The following TRPC5OS variants were observed in gnomAD, a reference collection of about 807,000 sequenced individuals.
TRPC5OS encodes the protein putative uncharacterized protein TRPC5OS.
For missense variants in TRPC5OS, 64 were observed against 79.3 expected, an observed-to-expected ratio of 0.81 and a Z score of 0.73; for synonymous variants, 30 against 29.3, an observed-to-expected ratio of 1.02 and a Z score of -0.08.
At chrX:111,891,049 T>C (rs1486747723) in intron 1 of TRPC5OS, among the ~76,000 whole-genome samples, 3 of 112,268 alleles carry the variant, frequency 2.7e-5, no homozygotes, top group East Asian at 5.6e-4. Flanking sequence ...GATATGATCT[T>C]GTTTTTTATG....
chrX:111,894,121 A>G (rs1924948129), intron 1 of TRPC5OS, among the ~76,000 whole-genome samples: 1 of 111,398 alleles, frequency 9.0e-6, no homozygotes, highest in Admixed American at 9.6e-5. Flanking sequence ...TCTGGCACCC[A>G]CCCTCACCAA....
intron 1 of TRPC5OS, among the ~76,000 whole-genome samples, chrX:111,890,467 G>A (rs1924748256): frequency 2.7e-5 from 3 of 111,787 alleles, no homozygotes; most frequent in Admixed American, 1.9e-4. Flanking sequence ...GATGTGCATA[G>A]GTTATATGCA....
chrX:111,879,900 C>T (rs1306909132), intron 1 of TRPC5OS, among the ~76,000 whole-genome samples: 2 of 107,607 alleles, frequency 1.9e-5, no homozygotes, highest in Admixed American at 1.9e-4. Context: ...ATTTACTTAT[C>T]TAGTCAAGTT....
chrX:111,877,662 A>G (rs1013399623), intron 1 of TRPC5OS, among the ~76,000 whole-genome samples: 1 of 111,309 alleles, frequency 9.0e-6, no homozygotes, highest in Non-Finnish European at 1.9e-5. Context: ...ATAATTAAGG[A>G]AAAATGCATA....
chrX:111,896,744 A>G (rs930310495), intron 3 of TRPC5OS, among the ~76,000 whole-genome samples: 1 of 111,880 alleles, frequency 8.9e-6, no homozygotes, highest in Non-Finnish European at 1.9e-5. Flanking sequence ...TTGCTCCTGT[A>G]GTCACCTAAA....
intron 1 of TRPC5OS, among the ~76,000 whole-genome samples, chrX:111,891,709 TTTTTGTAG>T (rs1022907366): frequency 1.8e-5 from 2 of 110,197 alleles, no homozygotes; most frequent in African/African-American, 6.6e-5. Flanking sequence ...CCCAGCTAAT[TTTTTGTAG>T]TTTTGTAGTT....
chrX:111,882,785 T>C (rs1444053996), intron 1 of TRPC5OS, among the ~76,000 whole-genome samples: 2 of 112,360 alleles, frequency 1.8e-5, no homozygotes, highest in East Asian at 5.6e-4. Context: ...GTCGGCCCAG[T>C]TAAGACCTAG....
rs1925395481 is a variant in TRPC5OS at position 111,902,330 on chromosome X, G to T, written c.*145G>T. On this transcript the variant is annotated 3_prime_UTR_variant, in exon 4 of 4. Coordinates refer to ENST00000635763, the MANE Select transcript of TRPC5OS (RefSeq NM_001195578.2). ...TACTAATAACCCATATAACAAGTGA[G>T]ATTTGATTTACTTCTAGCAAAAGCT... 5.2e-6 allele frequency: 2 copies of T among 387,892 alleles called. No individual in the cohort carries two copies. The highest frequency in any genetic ancestry group is 2.6e-5 in the African/African-American group (1 of 38,736). The allele number at this position is 387,892 out of a possible 1,213,427, so 32.0% of individuals were successfully genotyped here. A position where few individuals can be genotyped will look rare whatever the true frequency, so the allele number is the denominator to read the frequency against.
intron 1 of TRPC5OS, among the ~76,000 whole-genome samples, chrX:111,887,725 C>T (rs904998816): frequency 2.7e-5 from 3 of 111,731 alleles, no homozygotes; most frequent in African/African-American, 9.8e-5. Flanking sequence ...AAACATAAAA[C>T]GCTATAAAAA....
intron 1 of TRPC5OS, among the ~76,000 whole-genome samples, chrX:111,884,808 G>A (rs969749145): frequency 4.4e-5 from 5 of 112,872 alleles, no homozygotes; most frequent in African/African-American, 1.6e-4. Context: ...CATGGTTAAG[G>A]CCTATCTAGG....
Position 111,901,703 on chromosome X carries a change from T to G in TRPC5OS, c.-147T>G, listed in dbSNP as rs150422656. ...TCTACTGTTCTCATTCTTTACTTGA[T>G]CACCATCATAATCATATCAACATCC... On this transcript the variant is annotated 5_prime_UTR_variant, in exon 4 of 4. Transcript: ENST00000635763. The G allele has an allele frequency of 2.4e-4, 100 of 413,244 alleles. No homozygotes were observed. In the East Asian group the frequency reaches 3.8e-3, roughly 16 times the overall value. 34.1% of individuals were successfully genotyped at this position (413,244 alleles called of 1,213,427 possible).
chrX:111,891,083 T>G (rs1380993362), intron 1 of TRPC5OS, among the ~76,000 whole-genome samples: 1 of 112,540 alleles, frequency 8.9e-6, no homozygotes, highest in Non-Finnish European at 1.9e-5. Flanking sequence ...CCATGGTGTA[T>G]GTGTACCACA....
intron 3 of TRPC5OS, among the ~76,000 whole-genome samples, chrX:111,901,252 C>T (rs1250989342): frequency 9.0e-6 from 1 of 111,031 alleles, no homozygotes; most frequent in East Asian, 2.8e-4. Flanking sequence ...ATTGACAGAC[C>T]CTGCGTGAGT....
rs2190586 is a variant in TRPC5OS at position 111,902,765 on chromosome X, A to C, written c.*580A>C. 11,301 of 111,875 alleles carry C rather than the reference A, an allele frequency of 0.1. 1,144 individuals carry two copies. The highest frequency in any genetic ancestry group is 0.31 in the African/African-American group (9,549 of 30,639). The allele number at this position is 111,875 out of a possible 1,213,427, so 9.2% of individuals were successfully genotyped here. A position where few individuals can be genotyped will look rare whatever the true frequency, so the allele number is the denominator to read the frequency against. ...TACTATCTACCAGATAATAAAAGTGAAGAAAGGTTTTCAAATGACTGTTGC... is the reference window on the plus strand; with the variant it reads ...TACTATCTACCAGATAATAAAAGTGCAGAAAGGTTTTCAAATGACTGTTGC... On this transcript the variant is annotated 3_prime_UTR_variant, in exon 4 of 4. Coordinates refer to ENST00000635763, the MANE Select transcript of TRPC5OS (RefSeq NM_001195578.2).
chrX:111,891,075 A>G (rs929441654), intron 1 of TRPC5OS, among the ~76,000 whole-genome samples: 2 of 112,230 alleles, frequency 1.8e-5, no homozygotes, highest in African/African-American at 3.2e-5. Context: ...ATAGTACTCC[A>G]TGGTGTATGT....
At chrX:111,900,516 C>T (rs1290151944) in intron 3 of TRPC5OS, among the ~76,000 whole-genome samples, 1 of 111,729 alleles carries the variant, frequency 9.0e-6, no homozygotes, top group Non-Finnish European at 1.9e-5. Context: ...CTTATAAAGA[C>T]ATGTGTCAGC....
chrX:111,882,177 C>T (rs773214704), intron 1 of TRPC5OS, among the ~76,000 whole-genome samples: 1 of 111,557 alleles, frequency 9.0e-6, no homozygotes, highest in Non-Finnish European at 1.9e-5. Context: ...GTTTTACAGA[C>T]CATTCTCATT....
At position 111,901,708 on chromosome X, in the gene TRPC5OS, A is replaced by G; in HGVS notation, c.-142A>G. The G allele has an allele frequency of 2.3e-6, 1 of 432,288 alleles. No homozygotes were observed. The highest frequency in any genetic ancestry group is 3.9e-6 in the Non-Finnish European group (1 of 257,577). 35.6% of individuals were successfully genotyped at this position (432,288 alleles called of 1,213,427 possible). ...TGTTCTCATTCTTTACTTGATCACCATCATAATCATATCAACATCCTAATT... is the reference window on the plus strand; with the variant it reads ...TGTTCTCATTCTTTACTTGATCACCGTCATAATCATATCAACATCCTAATT... On this transcript the variant is annotated 5_prime_UTR_variant, in exon 4 of 4. Coordinates refer to ENST00000635763, the MANE Select transcript of TRPC5OS (RefSeq NM_001195578.2).
At chrX:111,881,860 G>A (rs1924239014) in intron 1 of TRPC5OS, 1 of 111,007 alleles carries the variant, frequency 9.0e-6, no homozygotes, top group East Asian at 2.8e-4. Flanking sequence ...TTGATTGGCC[G>A]AGATAGAAAT....
Sources: allele counts gnomAD v4.1 joint callset (sites outside exome capture counted in the v4.1 genomes callset), GRCh38; gene constraint gnomAD v4.1.1; transcripts MANE v1.5; gene names NCBI Gene and HGNC (gene_info 2026-07-23, HGNC 2026-07-21).